The following ZNF395 variants were observed in gnomAD, a reference collection of about 807,000 sequenced individuals.
The protein encoded by ZNF395 is HD gene regulatory region-binding protein 2.
ZNF395 carries 20 observed loss-of-function variants against 57.7 expected under a neutral mutation model. That is an observed-to-expected ratio of 0.35 (90% CI 0.24 to 0.50). The LOEUF (loss-of-function observed/expected upper bound fraction) is 0.50, where lower values mean the gene tolerates loss of function less well. Among genes scored for constraint, ZNF395 ranks in the 20% least tolerant of loss-of-function variants. The pLI is 0.97. For missense variants in ZNF395, 606 were observed against 671.2 expected, an observed-to-expected ratio of 0.90 and a Z score of 1.07; for synonymous variants, 295 against 275.9, an observed-to-expected ratio of 1.07 and a Z score of -0.69.
rs3735735 is a variant in ZNF395, at chr8:28,369,541, T to G, written c.-58-8359A>C. Among the ~76,000 whole-genome samples, 9 of 152,348 alleles carry G rather than the reference T, an allele frequency of 5.9e-5. No homozygotes were observed. In the East Asian group the frequency reaches 1.7e-3, roughly 29 times the overall value. ...ACACTAAGTCAGACTGCTCTGGCCCTGGAGCCAAAGCCAGTGACCGACCCC... is the reference window on the plus strand; with the variant it reads ...ACACTAAGTCAGACTGCTCTGGCCCGGGAGCCAAAGCCAGTGACCGACCCC... On this transcript the variant is annotated intron_variant, in intron 1 of 9. Transcript: ENST00000344423.
At chr8:28,357,323 TCAAC>T (rs1673340138) in intron 3 of ZNF395, among the ~76,000 whole-genome samples, 1 of 152,082 alleles carries the variant, frequency 6.6e-6, no homozygotes, top group Non-Finnish European at 1.5e-5. Context: ...CTTCTGAATG[TCAAC>T]AGAACCTACT....
chr8:28,355,567 A>T (rs545134793), intron 4 of ZNF395, among the ~76,000 whole-genome samples: 1 of 152,264 alleles, frequency 6.6e-6, no homozygotes, highest in African/African-American at 2.4e-5. Context: ...CATGATGGGA[A>T]CTGGAGTCAA....
intron 1 of ZNF395, among the ~76,000 whole-genome samples, chr8:28,376,861 G>A (rs1802048452): frequency 6.6e-6 from 1 of 152,200 alleles, no homozygotes; most frequent in Non-Finnish European, 1.5e-5. Flanking sequence ...ACTGCCATTT[G>A]TTAAGTCAGC....
rs1427943855 is a variant in ZNF395, at chr8:28,359,351, G to A, written c.473+241C>T. Among the ~76,000 whole-genome samples the A allele has an allele frequency of 2.0e-5, 3 of 152,184 alleles. No homozygotes were observed. The highest frequency in any genetic ancestry group is 7.2e-5 in the African/African-American group (3 of 41,440). On this transcript the variant is annotated intron_variant, in intron 3 of 9. Transcript: ENST00000344423. The surrounding 1 kb of genome is among the most constrained non-coding windows in gnomAD (Gnocchi z 4.7). ...CAGGAGGCAGAGGTTGCAGTGAGCC[G>A]AGATCATGCCACTGAACTCCAGCCT...
intron 4 of ZNF395, among the ~76,000 whole-genome samples, chr8:28,355,562 T>C (rs1291426210): frequency 3.3e-5 from 5 of 152,188 alleles, no homozygotes; most frequent in Non-Finnish European, 7.3e-5. Flanking sequence ...ACCCTCATGA[T>C]GGGAACTGGA....
rs139105230 is a variant in ZNF395 at position 28,349,224 on chromosome 8, C to T, written c.1331G>A (p.Arg444Gln). 7.1e-6 allele frequency: 11 copies of T among 1,539,576 alleles called. No homozygotes were observed. The highest frequency in any genetic ancestry group is 4.1e-5 in the African/African-American group (3 of 72,346). ...CTCGCTGAAGCTTAGCGACCGGCTC[C>T]GGACCTGGGCGTGGGGAGAGGGGCT... ...PSAACSLSPV[R>Q]SRSLSFSEPQ... Residue 444 changes from arginine (R) to glutamine (Q), a missense_variant, in exon 9 of 10, where the codon CGG (arginine) becomes CAG (glutamine). Around this residue, in one of 3 missense-constraint regions of ZNF395, gnomAD observed 261 missense variants for 240.3 expected, o/e 1.09. Transcript: ENST00000344423.
intron 1 of ZNF395, among the ~76,000 whole-genome samples, chr8:28,374,013 T>C (rs951385893): frequency 6.6e-6 from 1 of 152,044 alleles, no homozygotes; most frequent in Non-Finnish European, 1.5e-5. Context: ...GCTATAGAGG[T>C]CTGTGCAGCA....
chr8:28,351,635 A>ACAGAGGC lies in ZNF395; in HGVS notation c.1086_1092dup (p.Ser365AlafsTer122). The ACAGAGGC allele has an allele frequency of 6.2e-7, 1 of 1,613,502 alleles. No homozygotes were observed. The highest frequency in any genetic ancestry group is 8.5e-7 in the Non-Finnish European group (1 of 1,179,986). ...TTGTGCAGAGGTGGTGGAAGAGCAG[A>ACAGAGGC]CAGAGGCAGGCCAGTCATGCTGGGG... On this transcript the variant is annotated frameshift_variant, in exon 7 of 10. Transcript: ENST00000344423. LOFTEE classifies it high-confidence loss of function.
chr8:28,356,833 G>T lies in ZNF395; in HGVS notation c.474-54C>A. ...TTACTTCCTGGCATGGCGGGCCCAT[G>T]GTCCTTGCAAAACGAGACACCACTT... On this transcript the variant is annotated intron_variant, in intron 3 of 9. Coordinates refer to ENST00000344423, the MANE Select transcript of ZNF395 (RefSeq NM_018660.3). The surrounding 1 kb of genome is among the most constrained non-coding windows in gnomAD (Gnocchi z 4.0). 1 of 1,445,220 alleles carries T rather than the reference G, an allele frequency of 6.9e-7. No individual in the cohort carries two copies. Among genetic ancestry groups the T allele is most frequent in the Non-Finnish European group, 9.5e-7 (1 of 1,053,520 alleles). 89.5% of individuals were successfully genotyped at this position (1,445,220 alleles called of 1,614,324 possible). A position where few individuals can be genotyped will look rare whatever the true frequency, so the allele number is the denominator to read the frequency against.
chr8:28,349,523 A>T (rs953824400), intron 8 of ZNF395, among the ~76,000 whole-genome samples: 4 of 152,202 alleles, frequency 2.6e-5, no homozygotes, highest in Non-Finnish European at 5.9e-5. Context: ...GAAGCCTCAC[A>T]CTGCCTCAGT....
intron 7 of ZNF395, among the ~76,000 whole-genome samples, chr8:28,350,836 GT>G (rs1367385292): frequency 6.6e-6 from 1 of 152,198 alleles, no homozygotes; most frequent in African/African-American, 2.4e-5. Context: ...CAAGCTGCAT[GT>G]TCCTTGAGTA....
At chr8:28,377,078 C>T (rs920369635) in intron 1 of ZNF395, among the ~76,000 whole-genome samples, 1 of 152,060 alleles carries the variant, frequency 6.6e-6, no homozygotes, top group African/African-American at 2.4e-5. Context: ...TGCACAACAA[C>T]AAAAACAACA....
At chr8:28,348,981 C>G in intron 9 of ZNF395, 144 bp downstream of exon 9, 1 of 1,142,078 alleles carries the variant, frequency 8.8e-7, no homozygotes, top group South Asian at 1.4e-5. Flanking sequence ...GAGGACCAAA[C>G]AGTCATCCCA....
At chr8:28,360,746 C>T in intron 2 of ZNF395, 139 bp downstream of exon 2, 16 of 1,224,230 alleles carry the variant, frequency 1.3e-5, no homozygotes, top group Middle Eastern at 2.9e-4. Context: ...ATCTGCTGCC[C>T]AGGTGCCCTG....
chr8:28,382,764 TA>T (rs1448952281), intron 1 of ZNF395, among the ~76,000 whole-genome samples: 2 of 152,236 alleles, frequency 1.3e-5, no homozygotes, highest in East Asian at 3.8e-4. Context: ...AACAGCTTAA[TA>T]AATACTCACT....
chr8:28,368,064 G>A (rs1286552603), intron 1 of ZNF395, among the ~76,000 whole-genome samples: 1 of 152,186 alleles, frequency 6.6e-6, no homozygotes, highest in African/African-American at 2.4e-5. Context: ...TGGGGCAGGG[G>A]CAGCGTGCAG....
rs201440297 is a variant in ZNF395 at position 28,356,789 on chromosome 8, C to A, written c.474-10G>T. 20 of 1,611,170 alleles carry A rather than the reference C, an allele frequency of 1.2e-5. No homozygotes were observed. Among genetic ancestry groups the A allele is most frequent in the Non-Finnish European group, 1.7e-5 (20 of 1,177,876 alleles). ...CACTGCGTCCGACTTCCTGGATTCA[C>A]ACGGATGAGTGGGAAATGTTACTTC... On this transcript the variant is annotated splice_polypyrimidine_tract_variant and intron_variant, in intron 3 of 9. Transcript: ENST00000344423. This position sits in a 1 kb window ranked among gnomAD's most constrained non-coding sequence, Gnocchi z 4.0.
intron 1 of ZNF395, among the ~76,000 whole-genome samples, chr8:28,373,935 C>G (rs903127731): frequency 2.0e-5 from 3 of 152,176 alleles, no homozygotes; most frequent in East Asian, 3.8e-4. Flanking sequence ...TTACAATGTA[C>G]AACTCAAGAA....
intron 1 of ZNF395, among the ~76,000 whole-genome samples, chr8:28,385,618 G>A (rs1161199772): frequency 6.7e-6 from 1 of 149,800 alleles, no homozygotes; most frequent in Non-Finnish European, 1.5e-5. Flanking sequence ...GGCAGGAACC[G>A]GCAGAAACGC....
Sources: gnomAD v4.1 joint callset for allele counts (sites outside exome capture counted in the v4.1 genomes callset) on GRCh38, gnomAD v4.1.1 for gene constraint, gnomAD v4.1.1 regional missense constraint, Gnocchi (gnomAD v3.1) non-coding constraint, MANE v1.5 for transcripts, NCBI Gene and HGNC (gene_info 2026-07-23, HGNC 2026-07-21) for gene names.